The following DAB1 variants were observed in gnomAD, a reference collection of about 807,000 sequenced individuals.
DAB1 encodes the protein disabled homolog 1.
DAB1 carries 15 observed loss-of-function variants against 64.6 expected under a neutral mutation model. The observed-to-expected ratio is 0.23, with a 90% confidence interval of 0.16 to 0.36. DAB1 has a LOEUF of 0.36. DAB1 is among the 10% of genes least tolerant of loss of function. The pLI, the probability that DAB1 is intolerant of heterozygous loss-of-function variation, is 1.00. For missense variants in DAB1, 596 were observed against 706.7 expected (o/e 0.84, Z 1.78); for synonymous variants, 235 against 251.9 (o/e 0.93, Z 0.64).
chr1:57,227,519 T>TTTTTTG (rs3222527), intron 2 of DAB1, among the ~76,000 whole-genome samples: 172 of 135,802 alleles, frequency 1.3e-3, no homozygotes, highest in African/African-American at 3.8e-3. Flanking sequence ...TTTTTTTCTT[T>TTTTTTG]TGTGTGTGTG....
chr1:58,544,323 T>C (rs1646668099), intron 1 of DAB1, among the ~76,000 whole-genome samples: 1 of 152,138 alleles, frequency 6.6e-6, no homozygotes, highest in South Asian at 2.1e-4. Context: ...CCATAATGGA[T>C]GCTAGAGATA....
rs529455350 is a variant in DAB1, at chr1:57,863,200, C to T, written n.87+20799G>A. ...TACATATGATTCAATTTCTATAAAC[C>T]GTTAGAAAATGAAAACTAACTGGAG... is the stretch of plus-strand genomic sequence containing the variant. On this transcript the variant is annotated intron_variant and non_coding_transcript_variant, in intron 1 of 1. Transcript: ENST00000477280. 1.3e-3 allele frequency: 194 copies of T among 150,564 alleles called. 1 individual carries two copies. The highest frequency in any genetic ancestry group is 4.6e-3 in the African/African-American group (188 of 40,890). 9.3% of individuals were successfully genotyped at this position (150,564 alleles called of 1,614,324 possible).
intron 4 of DAB1, among the ~76,000 whole-genome samples, chr1:58,192,623 C>A (rs1434601276): frequency 2.0e-5 from 3 of 152,018 alleles, no homozygotes; most frequent in Non-Finnish European, 4.4e-5. Flanking sequence ...GAATAGTATT[C>A]CATGTGTGCG....
At chr1:57,851,106 C>T (rs1653504173) in intron 1 of DAB1, among the ~76,000 whole-genome samples, 2 of 152,232 alleles carry the variant, frequency 1.3e-5, no homozygotes, top group Non-Finnish European at 2.9e-5. Context: ...TGTTCGTCAA[C>T]AGCCCTCAGC....
upstream of DAB1, among the ~76,000 whole-genome samples, chr1:57,885,445 A>G (rs1020955994): frequency 3.3e-5 from 5 of 152,120 alleles, no homozygotes; most frequent in Non-Finnish European, 5.9e-5. Flanking sequence ...TTGATGGTAT[A>G]TGTTATAACA....
At chr1:57,570,612 C>T (rs1459380428) in intron 7 of DAB1, among the ~76,000 whole-genome samples, 1 of 152,068 alleles carries the variant, frequency 6.6e-6, no homozygotes, top group African/African-American at 2.4e-5. Flanking sequence ...TAATGTGATG[C>T]CTCCAGAGTT....
intron 1 of DAB1, among the ~76,000 whole-genome samples, chr1:57,313,382 T>A (rs184471515): frequency 6.6e-6 from 1 of 152,308 alleles, no homozygotes; most frequent in African/African-American, 2.4e-5. Context: ...TTAAAAAAAT[T>A]ATATTCAATT....
At chr1:58,515,341 G>T (rs1313295304) in intron 2 of DAB1, among the ~76,000 whole-genome samples, 1 of 152,046 alleles carries the variant, frequency 6.6e-6, no homozygotes, top group Non-Finnish European at 1.5e-5. Flanking sequence ...GACATATGTT[G>T]GTCATTTAAT....
In DAB1 at chr1:57,606,391, T is replaced by TATATATAC. The variant is rs1491526140; in HGVS notation, n.625+43200_625+43201insGTATATAT. Among the ~76,000 whole-genome samples, 157 of 126,422 alleles carry TATATATAC rather than the reference T, an allele frequency of 1.2e-3. 2 individuals carry two copies. Among genetic ancestry groups the TATATATAC allele is most frequent in the African/African-American group, 4.3e-3 (143 of 33,246 alleles). The allele number at this position is 126,422 out of a possible 152,430, so 82.9% of individuals were successfully genotyped here. ...CATTCTAATCCTATATATATATATA[T>TATATATAC]ACACATTATATTATATATATGATAT... is the stretch of plus-strand genomic sequence containing the variant. On this transcript the variant is annotated intron_variant and non_coding_transcript_variant, in intron 7 of 20. Coordinates refer to the DAB1 transcript ENST00000485760.
At chr1:57,337,564 T>A (rs1481657546) in intron 1 of DAB1, among the ~76,000 whole-genome samples, 5 of 152,204 alleles carry the variant, frequency 3.3e-5, no homozygotes, top group Non-Finnish European at 7.3e-5. Context: ...CTCCTATGTT[T>A]TTTTTCCTGA....
At chr1:57,318,093 G>T (rs568739673) in intron 1 of DAB1, among the ~76,000 whole-genome samples, 4 of 139,028 alleles carry the variant, frequency 2.9e-5, no homozygotes, top group Non-Finnish European at 4.5e-5. Context: ...TCTACAAATC[G>T]CACACAGCAT....
chr1:57,940,885 G>A (rs1645094442), intron 5 of DAB1, among the ~76,000 whole-genome samples: 1 of 152,170 alleles, frequency 6.6e-6, no homozygotes, highest in African/African-American at 2.4e-5. Context: ...GATATGTTTA[G>A]GCACTGTGGA....
intron 3 of DAB1, among the ~76,000 whole-genome samples, chr1:58,395,470 A>T (rs1240785979): frequency 1.3e-5 from 2 of 152,184 alleles, no homozygotes; most frequent in Non-Finnish European, 2.9e-5. Context: ...ACTTTCTATG[A>T]TACCATATGT....
chr1:58,288,811 G>C (rs1244906017), intron 4 of DAB1, among the ~76,000 whole-genome samples: 1 of 152,092 alleles, frequency 6.6e-6, no homozygotes, highest in Non-Finnish European at 1.5e-5. Flanking sequence ...AATCTTTGAG[G>C]CTTCTTTATT....
intron 2 of DAB1, among the ~76,000 whole-genome samples, chr1:57,191,927 A>G (rs674535): frequency 1.3e-5 from 2 of 151,784 alleles, no homozygotes. Context: ...GAAATTGAAC[A>G]GAGGGCCATA....
At chr1:57,122,681 C>G (rs1656768357) in intron 4 of DAB1, among the ~76,000 whole-genome samples, 1 of 152,142 alleles carries the variant, frequency 6.6e-6, no homozygotes, top group Non-Finnish European at 1.5e-5. Flanking sequence ...TCAGATCCCA[C>G]TAATTCTAAA....
intron 7 of DAB1, among the ~76,000 whole-genome samples, chr1:57,578,663 C>T (rs1645278520): frequency 1.3e-5 from 2 of 152,304 alleles, no homozygotes; most frequent in Non-Finnish European, 2.9e-5. Context: ...AAGTAAATTC[C>T]TCGTGTTTGC....
At chr1:58,146,864 A>G (rs1654625505) in intron 5 of DAB1, among the ~76,000 whole-genome samples, 1 of 152,118 alleles carries the variant, frequency 6.6e-6, no homozygotes, top group Non-Finnish European at 1.5e-5. Context: ...GGTTGTTTCC[A>G]TATCTTGGCT....
intron 2 of DAB1, among the ~76,000 whole-genome samples, chr1:57,172,886 G>A (rs971760602): frequency 1.3e-5 from 2 of 152,114 alleles, no homozygotes; most frequent in Non-Finnish European, 2.9e-5. Context: ...AGCATGCATA[G>A]ACAGCAAGGA....
Sources: gnomAD v4.1 joint callset for allele counts (sites outside exome capture counted in the v4.1 genomes callset) on GRCh38, gnomAD v4.1.1 for gene constraint, MANE v1.5 for transcripts, NCBI Gene and HGNC (gene_info 2026-07-23, HGNC 2026-07-21) for gene names.